ADAMTS19: variants seen among roughly 807,000 people sequenced by gnomAD.
ADAMTS19 encodes A disintegrin and metalloproteinase with thrombospondin motifs 19.
ADAMTS19 carries 93 observed loss-of-function variants against 153.3 expected under a neutral mutation model. The observed-to-expected ratio is 0.61, with a 90% CI of 0.51 to 0.72. The LOEUF (loss-of-function observed/expected upper bound fraction) is 0.72. Among genes scored for constraint, ADAMTS19 ranks in the 30% least tolerant of loss-of-function variants. The pLI is 0.00. For missense variants in ADAMTS19, 1,482 were observed against 1,552.1 expected (o/e 0.95, Z 0.76); for synonymous variants, 600 against 556.6 (o/e 1.08, Z -1.10).
intron 18 of ADAMTS19, among the ~76,000 whole-genome samples, chr5:129,686,534 G>A (rs1003466799): frequency 2.6e-5 from 4 of 152,138 alleles, no homozygotes; most frequent in African/African-American, 7.2e-5. Context: ...GGAGGAGCAT[G>A]GCAGCTGCAC....
In ADAMTS19 at chr5:129,528,539, A is replaced by C; in HGVS notation, c.1190A>C (p.His397Pro). Reference protein sequence around the residue: ...HETPPELYIGHHGEKMLESFC... With the variant: ...HETPPELYIGPHGEKMLESFC... Reference sequence around the variant, plus strand: ...TTGCAGCCAGAACTATATATTGGGCATCATGGAGAAAAAATGCTAGAGAGT... The same window carrying C: ...TTGCAGCCAGAACTATATATTGGGCCTCATGGAGAAAAAATGCTAGAGAGT... The change falls in exon 6 of 23, where the codon CAT becomes CCT. Residue 397 changes from histidine to proline, a missense_variant. Around this residue, in one of 2 missense-constraint regions of ADAMTS19, gnomAD observed 866 missense variants for 827.7 expected, o/e 1.05. Transcript: ENST00000274487. The C allele has an allele frequency of 6.2e-7, 1 of 1,602,488 alleles. No individual in the cohort carries two copies. Among genetic ancestry groups the C allele is most frequent in the Non-Finnish European group, 8.5e-7 (1 of 1,175,222 alleles).
chr5:129,560,238 C>A (rs1483539683), intron 7 of ADAMTS19, among the ~76,000 whole-genome samples: 1 of 152,112 alleles, frequency 6.6e-6, no homozygotes, highest in African/African-American at 2.4e-5. Context: ...ATTTGTTCTA[C>A]AAAAACAAAA....
At chr5:129,724,633 A>C (rs571356538) in intron 21 of ADAMTS19, among the ~76,000 whole-genome samples, 1 of 152,308 alleles carries the variant, frequency 6.6e-6, no homozygotes, top group South Asian at 2.1e-4. Flanking sequence ...CAGAGGTTTA[A>C]TAGGCAAAAG....
chr5:129,461,720 G>T lies in ADAMTS19; in HGVS notation c.710G>T (p.Gly237Val). Residue 237 changes from glycine to valine, a missense_variant, in exon 2 of 23, where the codon GGC (glycine) becomes GTC (valine). Transcript: ENST00000274487. The surrounding 1 kb of genome is among the most constrained non-coding windows in gnomAD (Gnocchi z 4.6). ...FYTGAVLRHP[G>V]SLASFSTCGG... ...ACCGGAGCTGTGCTGCGGCACCCTG[G>T]CTCGCTGGCTTCTTTCAGCACCTGT... is the stretch of plus-strand genomic sequence containing the variant. The T allele has an allele frequency of 6.6e-7, 1 of 1,510,476 alleles. No homozygotes were observed. The highest frequency in any genetic ancestry group is 8.8e-7 in the Non-Finnish European group (1 of 1,134,316). 93.6% of individuals were successfully genotyped at this position (1,510,476 alleles called of 1,614,324 possible). A position where few individuals can be genotyped will look rare whatever the true frequency, so the allele number is the denominator to read the frequency against.
chr5:129,572,760 G>C lies in ADAMTS19; in HGVS notation c.1372+20853G>C, dbSNP rs141866932. On this transcript the variant is annotated intron_variant, in intron 7 of 22. Transcript: ENST00000274487. Reference sequence around the variant, plus strand: ...GAGTGATTACTATTGATGAGGGAGAGGGGAGGCTGTAAGTTTACAGGAATA... The same window carrying C: ...GAGTGATTACTATTGATGAGGGAGACGGGAGGCTGTAAGTTTACAGGAATA... Among the ~76,000 whole-genome samples the C allele has an allele frequency of 2.0e-5, 3 of 151,874 alleles. No homozygotes were observed. In the East Asian group the frequency reaches 5.8e-4, roughly 29 times the overall value.
chr5:129,520,452 C>G (rs1298255362), intron 3 of ADAMTS19, among the ~76,000 whole-genome samples: 2 of 152,104 alleles, frequency 1.3e-5, no homozygotes, highest in Non-Finnish European at 2.9e-5. Flanking sequence ...GTAACGTCAG[C>G]CTCTAAAGAC....
intron 10 of ADAMTS19, among the ~76,000 whole-genome samples, chr5:129,633,007 T>C (rs113620321): frequency 6.6e-6 from 1 of 151,696 alleles, no homozygotes; most frequent in South Asian, 2.1e-4. Flanking sequence ...CTCCTGAGAA[T>C]AGTTACACAC....
intron 7 of ADAMTS19, among the ~76,000 whole-genome samples, chr5:129,580,260 T>A (rs1289851915): frequency 6.6e-6 from 1 of 152,182 alleles, no homozygotes; most frequent in Non-Finnish European, 1.5e-5. Context: ...TGTAGAGGAA[T>A]GCTTGTGATT....
intron 21 of ADAMTS19, among the ~76,000 whole-genome samples, chr5:129,731,156 G>T (rs981612749): frequency 6.6e-6 from 1 of 151,714 alleles, no homozygotes; most frequent in Admixed American, 6.6e-5. Context: ...ATGGGGTTTC[G>T]CCATGTTGGA....
intron 2 of ADAMTS19, among the ~76,000 whole-genome samples, chr5:129,495,441 G>A (rs903754767): frequency 3.3e-5 from 5 of 151,980 alleles, no homozygotes; most frequent in Non-Finnish European, 5.9e-5. Flanking sequence ...TTATACTAAC[G>A]GGACCATGAG....
intron 7 of ADAMTS19, among the ~76,000 whole-genome samples, chr5:129,565,600 A>T (rs1419547173): frequency 1.3e-5 from 2 of 152,110 alleles, no homozygotes; most frequent in Non-Finnish European, 2.9e-5. Context: ...GCCTAAAATG[A>T]TCCTATTTAT....
chr5:129,710,187 T>A (rs1354211797), intron 21 of ADAMTS19, among the ~76,000 whole-genome samples: 1 of 152,162 alleles, frequency 6.6e-6, no homozygotes, highest in Non-Finnish European at 1.5e-5. Context: ...GTGTTCTCAT[T>A]GTTCATCTCC....
intron 2 of ADAMTS19, among the ~76,000 whole-genome samples, chr5:129,508,222 A>G (rs369819468): frequency 6.6e-5 from 10 of 152,018 alleles, no homozygotes; most frequent in East Asian, 3.8e-4. Context: ...ACTATTTGCT[A>G]AAGAGATAAT....
chr5:129,723,860 C>T (rs756274973), intron 21 of ADAMTS19, among the ~76,000 whole-genome samples: 2 of 152,154 alleles, frequency 1.3e-5, no homozygotes, highest in Non-Finnish European at 1.5e-5. Flanking sequence ...CCAATCAATA[C>T]ATGTAAGATG....
chr5:129,600,597 G>A (rs962754203), intron 8 of ADAMTS19, among the ~76,000 whole-genome samples: 1 of 151,932 alleles, frequency 6.6e-6, no homozygotes, highest in Non-Finnish European at 1.5e-5. Flanking sequence ...GGTCCACTAA[G>A]TATTTAAAAA....
chr5:129,638,475 TC>T, intron 10 of ADAMTS19, among the ~76,000 whole-genome samples: 1 of 152,138 alleles, frequency 6.6e-6, no homozygotes, highest in Non-Finnish European at 1.5e-5. Context: ...TGATTAATTT[TC>T]AATTATATTA....
chr5:129,512,487 A>G (rs1455694916), intron 3 of ADAMTS19, among the ~76,000 whole-genome samples: 2 of 151,934 alleles, frequency 1.3e-5, no homozygotes, highest in African/African-American at 4.8e-5. Flanking sequence ...ATAATTGTAC[A>G]TAATAAAAAC....
chr5:129,537,377 A>G (rs952250804), intron 6 of ADAMTS19, among the ~76,000 whole-genome samples: 14 of 152,196 alleles, frequency 9.2e-5, no homozygotes, highest in African/African-American at 2.9e-4. Flanking sequence ...GCGATTCCTC[A>G]GGGATCTAGA....
At chr5:129,603,684 C>G (rs751396516) in intron 8 of ADAMTS19, among the ~76,000 whole-genome samples, 1 of 152,098 alleles carries the variant, frequency 6.6e-6, no homozygotes, top group Non-Finnish European at 1.5e-5. Context: ...CTTGCTAAAT[C>G]TGGACATTTA....
Sources: gnomAD v4.1 joint callset for allele counts (sites outside exome capture counted in the v4.1 genomes callset) on GRCh38, gnomAD v4.1.1 for gene constraint, gnomAD v4.1.1 regional missense constraint, Gnocchi (gnomAD v3.1) non-coding constraint, MANE v1.5 for transcripts, NCBI Gene and HGNC (gene_info 2026-07-23, HGNC 2026-07-21) for gene names.